Variants in PKN2 observed in about 807,000 individuals in gnomAD.
PKN2 encodes the protein serine/threonine-protein kinase N2.
Under a neutral mutation model 119.1 loss-of-function variants are expected in PKN2, and 38 were observed. The observed-to-expected ratio is 0.32, with a 90% CI of 0.25 to 0.42. The LOEUF (loss-of-function observed/expected upper bound fraction) is 0.42. PKN2 is among the 10% of genes least tolerant of loss of function. PKN2 has a pLI of 1.00. For synonymous variants in PKN2, 390 were observed against 384.9 expected, an observed-to-expected ratio of 1.01 and a Z score of -0.15; for missense variants, 850 against 1,165.1, an observed-to-expected ratio of 0.73 and a Z score of 3.94.
intron 1 of PKN2, among the ~76,000 whole-genome samples, chr1:88,717,881 T>C (rs1667519705): frequency 6.6e-6 from 1 of 152,056 alleles, no homozygotes; most frequent in Non-Finnish European, 1.5e-5. Flanking sequence ...GGCACTCTGG[T>C]TTTTAGAATT....
intron 8 of PKN2, 117 bp downstream of exon 8, chr1:88,786,330 A>ATTT: frequency 6.0e-6 from 3 of 498,350 alleles, no homozygotes; most frequent in Non-Finnish European, 7.1e-6. Flanking sequence ...TAGAACTTAG[A>ATTT]TTTTTTTTTT....
At chr1:88,692,233 T>C (rs1275004133) in intron 1 of PKN2, among the ~76,000 whole-genome samples, 1 of 152,212 alleles carries the variant, frequency 6.6e-6, no homozygotes, top group Non-Finnish European at 1.5e-5. Context: ...AACTCTACTT[T>C]GGTGGATATT....
In PKN2 at chr1:88,807,539, AG is replaced by A. The variant is rs777171402; in HGVS notation, c.1947del (p.Arg649SerfsTer25). Reference protein sequence around the residue: ...QELEDRRSQQRFQFNLQDFRC... With the variant: ...QELEDRRSQQXFQFNLQDFRC... ...AATTTCTCTTTTCAGATCTCAGCAA[AG>A]GTTTCAGTTTAATCTACAAGATTTC... On this transcript the variant is annotated frameshift_variant, in exon 14 of 22. Coordinates refer to ENST00000370521, the MANE Select transcript of PKN2 (RefSeq NM_006256.4). LOFTEE classifies it high-confidence loss of function. The A allele has an allele frequency of 6.2e-7, 1 of 1,611,636 alleles. No individual in the cohort carries two copies. The highest frequency in any genetic ancestry group is 8.5e-7 in the Non-Finnish European group (1 of 1,178,336).
intron 1 of PKN2, among the ~76,000 whole-genome samples, chr1:88,693,804 C>T (rs971641614): frequency 3.9e-5 from 6 of 152,178 alleles, no homozygotes; most frequent in African/African-American, 1.4e-4. Flanking sequence ...TTCCAAGAAC[C>T]TATCAGCAGT....
chr1:88,810,844 T>G (rs139176458), intron 15 of PKN2, among the ~76,000 whole-genome samples: 6,932 of 152,144 alleles, frequency 0.046, 194 homozygotes, highest in Middle Eastern at 0.058. Context: ...TGACCTCAGG[T>G]GATCCACCCG....
chr1:88,689,719 A>G (rs1446595079), intron 1 of PKN2, among the ~76,000 whole-genome samples: 11 of 152,148 alleles, frequency 7.2e-5, no homozygotes, highest in African/African-American at 2.2e-4. Context: ...GCTGAGGCAC[A>G]AGAATTGCTT....
At chr1:88,733,950 A>G (rs931977673) in intron 1 of PKN2, among the ~76,000 whole-genome samples, 1 of 152,190 alleles carries the variant, frequency 6.6e-6, no homozygotes, top group Non-Finnish European at 1.5e-5. Context: ...ACTTGATGCC[A>G]TCAGTTCAAG....
At chr1:88,751,026 A>G (rs1668966561) in intron 2 of PKN2, among the ~76,000 whole-genome samples, 1 of 152,156 alleles carries the variant, frequency 6.6e-6, no homozygotes, top group East Asian at 1.9e-4. Context: ...TTTGCTACAG[A>G]ATACAGTACA....
chr1:88,754,768 T>C (rs1669135783), intron 2 of PKN2, among the ~76,000 whole-genome samples: 1 of 152,200 alleles, frequency 6.6e-6, no homozygotes, highest in Non-Finnish European at 1.5e-5. Context: ...GCTAAATGTA[T>C]GTAAAGATGC....
chr1:88,817,408 CAAA>C (rs531465698), intron 16 of PKN2, among the ~76,000 whole-genome samples: 8 of 84,742 alleles, frequency 9.4e-5, no homozygotes, highest in South Asian at 4.5e-4. Flanking sequence ...GACTCTGTCT[CAAA>C]AAAAAAAAAA....
intron 2 of PKN2, among the ~76,000 whole-genome samples, chr1:88,745,197 C>G (rs1023133664): frequency 1.3e-5 from 2 of 152,174 alleles, no homozygotes. Context: ...CTTTTAAGAT[C>G]AGGAACAAGA....
intron 1 of PKN2, among the ~76,000 whole-genome samples, chr1:88,703,409 T>A (rs922156498): frequency 6.6e-6 from 1 of 152,140 alleles, no homozygotes; most frequent in Non-Finnish European, 1.5e-5. Context: ...TATTTTATAA[T>A]CTTAAGAGAT....
intron 3 of PKN2, among the ~76,000 whole-genome samples, chr1:88,761,612 TAAAAAAAAAAA>T (rs368283566): frequency 2.0e-5 from 2 of 102,020 alleles, no homozygotes; most frequent in Non-Finnish European, 4.1e-5. Flanking sequence ...CCTGTCTCTT[TAAAAAAAAAAA>T]AAAAAAAAAA....
chr1:88,784,869 C>T lies in PKN2; in HGVS notation c.1171+45C>T, dbSNP rs1467872480. The T allele has an allele frequency of 4.2e-6, 5 of 1,188,022 alleles. No individual in the cohort carries two copies. The East Asian group carries it at 1.0e-4, about 24-fold the overall frequency. 73.6% of individuals were successfully genotyped at this position (1,188,022 alleles called of 1,614,324 possible). A position where few individuals can be genotyped will look rare whatever the true frequency, so the allele number is the denominator to read the frequency against. ...AAAAATCATGTAACAAACTAAAGTG[C>T]TTATACAAGGGATTTATGAAGTGTT... is the stretch of plus-strand genomic sequence containing the variant. On this transcript the variant is annotated intron_variant, in intron 7 of 21. Coordinates refer to ENST00000370521, the MANE Select transcript of PKN2 (RefSeq NM_006256.4).
At position 88,807,450 on chromosome 1, in the gene PKN2, A is replaced by T; in HGVS notation, c.1934+7A>T. 6.2e-7 allele frequency: 1 copy of T among 1,607,824 alleles called. No individual in the cohort carries two copies. On this transcript the variant is annotated splice_region_variant and intron_variant, in intron 13 of 21. Transcript: ENST00000370521. ...AAGAACTTGAGGACAGAAGGTAAAG[A>T]ATATATACCAAATTTTGCGACTACA...
chr1:88,813,218 A>G (rs68055749), intron 15 of PKN2, among the ~76,000 whole-genome samples: 10,158 of 152,182 alleles, frequency 0.067, 692 homozygotes, highest in African/African-American at 0.18. Context: ...TACGCTTTAA[A>G]TTGCTAAATT....
intron 2 of PKN2, among the ~76,000 whole-genome samples, chr1:88,759,555 T>A (rs1669355624): frequency 6.6e-6 from 1 of 152,182 alleles, no homozygotes; most frequent in African/African-American, 2.4e-5. Flanking sequence ...AAGTTCATCA[T>A]GGATGCTGAT....
At chr1:88,688,121 TG>T (rs1423319386) in intron 1 of PKN2, among the ~76,000 whole-genome samples, 30 of 152,038 alleles carry the variant, frequency 2.0e-4, no homozygotes, top group African/African-American at 7.2e-4. Context: ...AGTCTCGCAC[TG>T]TCACCCAGGC....
intron 2 of PKN2, among the ~76,000 whole-genome samples, chr1:88,755,866 G>A (rs907023532): frequency 7.3e-5 from 11 of 150,410 alleles, no homozygotes; most frequent in African/African-American, 2.7e-4. Context: ...TAAGAACAGT[G>A]TTATGTAGTA....
Sources: gnomAD v4.1 joint callset for allele counts (sites outside exome capture counted in the v4.1 genomes callset) on GRCh38, gnomAD v4.1.1 for gene constraint, MANE v1.5 for transcripts, NCBI Gene and HGNC (gene_info 2026-07-23, HGNC 2026-07-21) for gene names.